TNRC18: variants seen among roughly 807,000 people sequenced by gnomAD.
TNRC18 encodes the protein trinucleotide repeat containing 18.
In TNRC18, 69 loss-of-function variants were observed where a neutral mutation model predicts 226.7. The observed-to-expected ratio is 0.30, with a 90% CI of 0.25 to 0.37. The LOEUF (loss-of-function observed/expected upper bound fraction) is 0.37, where lower values mean the gene tolerates loss of function less well. Among genes scored for constraint, TNRC18 ranks in the 10% least tolerant of loss-of-function variants. The probability of loss-of-function intolerance (pLI) is 1.00; values close to 1 mark genes in which losing one functional copy is unlikely to be tolerated. For synonymous variants in TNRC18, 2,449 were observed against 1,927.6 expected (o/e 1.27, Z -7.09); for missense variants, 4,754 against 4,256.6 (o/e 1.12, Z -3.25).
chr7:5,376,772 G>A (rs914304810), intron 8 of TNRC18, 75 bp downstream of exon 8: 19 of 1,543,496 alleles, frequency 1.2e-5, no homozygotes, highest in African/African-American at 2.7e-5. Context: ...TCAGCAGGAA[G>A]CCCTTGGCAT....
intron 2 of TNRC18, 63 bp downstream of exon 2, chr7:5,420,997 G>A: frequency 1.9e-6 from 3 of 1,539,400 alleles, no homozygotes; most frequent in Middle Eastern, 1.7e-4. Context: ...TGCACAGGAG[G>A]ACCCGGCCGA....
intron 16 of TNRC18, among the ~76,000 whole-genome samples, chr7:5,353,562 G>GAAAAAA (rs35875231): frequency 1.2e-5 from 1 of 86,546 alleles, no homozygotes; most frequent in Non-Finnish European, 2.3e-5. Flanking sequence ...ATCATCTAAA[G>GAAAAAA]AAAAAAAAAA....
intron 18 of TNRC18, among the ~76,000 whole-genome samples, chr7:5,341,912 T>C (rs1382370463): frequency 3.9e-5 from 6 of 152,168 alleles, no homozygotes; most frequent in Admixed American, 3.9e-4. Context: ...TCATTGACGA[T>C]GTACCTTGTC....
At chr7:5,345,898 G>A (rs1396844558) in intron 17 of TNRC18, 88 bp from the exon 18 acceptor site, 2 of 1,468,796 alleles carry the variant, frequency 1.4e-6, no homozygotes, top group East Asian at 2.5e-5. Context: ...GTGGCCTCTG[G>A]GCTCCAGCCT....
At chr7:5,398,638 A>G (rs1780869412) in intron 2 of TNRC18, among the ~76,000 whole-genome samples, 1 of 140,364 alleles carries the variant, frequency 7.1e-6, no homozygotes, top group South Asian at 2.3e-4. Context: ...TTTTTTAAAG[A>G]CAGGGTCTCT....
chr7:5,325,033 C>A, intron 20 of TNRC18, 63 bp downstream of exon 20: 2 of 1,531,256 alleles, frequency 1.3e-6, no homozygotes, highest in Non-Finnish European at 1.8e-6. Context: ...GAGCCCCCTG[C>A]CCTGACCACA....
At chr7:5,337,067 C>T (rs180720018) in intron 18 of TNRC18, among the ~76,000 whole-genome samples, 2 of 152,216 alleles carry the variant, frequency 1.3e-5, no homozygotes, top group Non-Finnish European at 2.9e-5. Context: ...TCAACAAATC[C>T]GCCACGAGGC....
chr7:5,387,688 C>T lies in TNRC18; in HGVS notation c.2136G>A (p.Ser712=), dbSNP rs765573494. The change falls in exon 5 of 30, where the codon TCG becomes TCA. Residue 712 remains serine, a synonymous_variant. Coordinates refer to ENST00000430969, the MANE Select transcript of TNRC18 (RefSeq NM_001080495.3). ...PGLVDQERSL[S]LSNVKGHGRA... The stretch of plus-strand genomic sequence containing the variant: ...AGGACCTACCTTTGACGTTACTCAG[C>T]GACAGAGAGCGCTCCTGGTCTACCA... 2 of 1,604,608 alleles carry T rather than the reference C, an allele frequency of 1.2e-6. No individual in the cohort carries two copies. Among genetic ancestry groups the T allele is most frequent in the South Asian group, 1.1e-5 (1 of 91,088 alleles).
At chr7:5,363,876 C>T (rs1356977582) in intron 11 of TNRC18, among the ~76,000 whole-genome samples, 3 of 151,946 alleles carry the variant, frequency 2.0e-5, no homozygotes, top group Non-Finnish European at 4.4e-5. Context: ...AAAGACAGCC[C>T]GCTTCCTTCC....
chr7:5,313,095 C>T lies in TNRC18; in HGVS notation c.7796G>A (p.Gly2599Asp). The T allele has an allele frequency of 1.5e-6, 2 of 1,348,912 alleles. No homozygotes were observed. The highest frequency in any genetic ancestry group is 2.1e-6 in the Non-Finnish European group (2 of 974,564). 83.6% of individuals were successfully genotyped at this position (1,348,912 alleles called of 1,614,324 possible). ...KNGDGGCGTG[G>D]RNCSAASSRA... Reference sequence around the variant, plus strand: ...GGAGCTGGCAGCGCTGCAGTTACGGCCCCCGGTGCCGCAGCCCCCGTCCCC... The same window carrying T: ...GGAGCTGGCAGCGCTGCAGTTACGGTCCCCGGTGCCGCAGCCCCCGTCCCC... Residue 2599 changes from glycine (G) to aspartate (D), a missense_variant, in exon 27 of 30, where the codon GGC becomes GAC. Physicochemically the swap from Gly to Asp is moderately conservative, Grantham distance 94. Coordinates refer to ENST00000430969, the MANE Select transcript of TNRC18 (RefSeq NM_001080495.3).
Position 5,388,813 on chromosome 7 carries a change from CG to C in TNRC18, c.1010del (p.Pro337ArgfsTer253). 1 of 1,147,516 alleles carries C rather than the reference CG, an allele frequency of 8.7e-7. No individual in the cohort carries two copies. The highest frequency in any genetic ancestry group is 1.1e-6 in the Non-Finnish European group (1 of 934,920). The allele number at this position is 1,147,516 out of a possible 1,614,324, so 71.1% of individuals were successfully genotyped here. A position where few individuals can be genotyped will look rare whatever the true frequency, so the allele number is the denominator to read the frequency against. ...GPRPCPSPLP[P>X]PPAPPKGPPA... is the part of the protein sequence containing the mutation. ...GAGGCCCCTTGGGGGGCGCGGGCGG[CG>C]GGGGCAGCGGTGAGGGGCAGGGGCG... is the stretch of plus-strand genomic sequence containing the variant. On this transcript the variant is annotated frameshift_variant, in exon 5 of 30. Coordinates refer to ENST00000430969, the MANE Select transcript of TNRC18 (RefSeq NM_001080495.3). LOFTEE classifies it high-confidence loss of function.
chr7:5,388,305 C>G lies in TNRC18; in HGVS notation c.1519G>C (p.Glu507Gln). 6.2e-7 allele frequency: 1 copy of G among 1,602,816 alleles called. No individual in the cohort carries two copies. The highest frequency in any genetic ancestry group is 8.5e-7 in the Non-Finnish European group (1 of 1,174,978). The change falls in exon 5 of 30, where the codon GAG becomes CAG. Residue 507 changes from glutamate to glutamine, a missense_variant. Physicochemically the swap from Glu to Gln is conservative, Grantham distance 29. Coordinates refer to ENST00000430969, the MANE Select transcript of TNRC18 (RefSeq NM_001080495.3). Reference sequence around the variant, plus strand: ...AGCTCGAAGGGTTTCCATTTATGCTCAGGGCCGGTGGGCGGGGGGCGCCCG... The same window carrying G: ...AGCTCGAAGGGTTTCCATTTATGCTGAGGGCCGGTGGGCGGGGGGCGCCCG... Reference protein sequence around the residue: ...EPGRPPPTGPEHKWKPFELGN... With the variant: ...EPGRPPPTGPQHKWKPFELGN...
Position 5,361,692 on chromosome 7 carries a change from C to G in TNRC18, c.4563G>C (p.Leu1521Phe), listed in dbSNP as rs1562548779. The stretch of plus-strand genomic sequence containing the variant: ...GCGGCCTGCCAGGGCCTCTGCGTGC[C>G]AAGCTTCTATGGGGTTCCTCGCGCC... ...EDRREEPHRS[L>F]ARRGPGRPRK... Residue 1521 changes from leucine to phenylalanine, a missense_variant, in exon 14 of 30, where the codon TTG (leucine) becomes TTC (phenylalanine). Leu to Phe is a conservative substitution (Grantham distance 22, BLOSUM62 0). Transcript: ENST00000430969. 2.6e-6 allele frequency: 4 copies of G among 1,567,086 alleles called. No homozygotes were observed. The highest frequency in any genetic ancestry group is 1.4e-5 in the African/African-American group (1 of 73,512).
Position 5,376,848 on chromosome 7 carries a change from A to C in TNRC18, c.2607T>G (p.Phe869Leu). The C allele has an allele frequency of 6.2e-7, 1 of 1,610,852 alleles. No individual in the cohort carries two copies. ...VVIPSDHLPH[F>L]AELMERATVP... The stretch of plus-strand genomic sequence containing the variant: ...TGGCCACATAGAAGGTCCACTTACC[A>C]AAGTGAGGAAGGTGATCACTGGGAA... The change falls in exon 8 of 30, where the codon TTT becomes TTG. Residue 869 changes from phenylalanine to leucine, a missense_variant and splice_region_variant. By Grantham distance (22) the Phe-to-Leu change is conservative. Transcript: ENST00000430969.
At position 5,312,977 on chromosome 7, in the gene TNRC18, G is replaced by C. The variant is rs895284231; in HGVS notation, c.7914C>G (p.Ser2638=). ...SSSSSSSSSS[S]SSSSSSSSSS... Reference sequence around the variant, plus strand: ...AAGACGAAGAGGAAGAGGAGGAGGAGGAAGAGGAGGAGGAGGAAGAGGAGG... The same window carrying C: ...AAGACGAAGAGGAAGAGGAGGAGGACGAAGAGGAGGAGGAGGAAGAGGAGG... The change falls in exon 27 of 30, where the codon TCC becomes TCG. Residue 2638 remains serine, a synonymous_variant. Coordinates refer to ENST00000430969, the MANE Select transcript of TNRC18 (RefSeq NM_001080495.3). This position sits in a 1 kb window ranked among gnomAD's most constrained non-coding sequence, Gnocchi z 6.3. 3.7e-5 allele frequency: 41 copies of C among 1,105,758 alleles called. No homozygotes were observed. In the Admixed American group the frequency reaches 4.5e-4, roughly 12 times the overall value. 68.5% of individuals were successfully genotyped at this position (1,105,758 alleles called of 1,614,324 possible).
At position 5,394,922 on chromosome 7, in the gene TNRC18, G is replaced by A. The variant is rs952854150; in HGVS notation, c.188-327C>T. Among the ~76,000 whole-genome samples the A allele has an allele frequency of 1.8e-4, 27 of 152,122 alleles. No homozygotes were observed. Among genetic ancestry groups the A allele is most frequent in the African/African-American group, 5.8e-4 (24 of 41,432 alleles). On this transcript the variant is annotated intron_variant, in intron 2 of 29. Transcript: ENST00000430969. The surrounding 1 kb of genome is among the most constrained non-coding windows in gnomAD (Gnocchi z 4.5). ...CGCCCAACCAGCCCAGATCCGGCCCGGCACCATTCTCCCCATCTGCAGGTG... is the reference window on the plus strand; with the variant it reads ...CGCCCAACCAGCCCAGATCCGGCCCAGCACCATTCTCCCCATCTGCAGGTG...
At chr7:5,349,645 C>T (rs1011217209) in intron 17 of TNRC18, among the ~76,000 whole-genome samples, 1 of 152,220 alleles carries the variant, frequency 6.6e-6, no homozygotes, top group African/African-American at 2.4e-5. Flanking sequence ...TGACCCGCTG[C>T]GCCGTCTGCC....
chr7:5,324,100 G>A lies in TNRC18; in HGVS notation c.6442+114C>T. 8.2e-7 allele frequency: 1 copy of A among 1,225,036 alleles called. No homozygotes were observed. The allele number at this position is 1,225,036 out of a possible 1,614,324, so 75.9% of individuals were successfully genotyped here. A position where few individuals can be genotyped will look rare whatever the true frequency, so the allele number is the denominator to read the frequency against. On this transcript the variant is annotated intron_variant, in intron 21 of 29. Coordinates refer to ENST00000430969, the MANE Select transcript of TNRC18 (RefSeq NM_001080495.3). The surrounding 1 kb of genome is among the most constrained non-coding windows in gnomAD (Gnocchi z 4.8). ...CAGCCTCAGGATCTCTGCTCCTGTG[G>A]TTCCCTGCCCCCAGCTAGCCCAGCC...
At chr7:5,376,319 C>G (rs1201522736) in intron 8 of TNRC18, 95 bp from the exon 9 acceptor site, 2 of 1,129,222 alleles carry the variant, frequency 1.8e-6, no homozygotes, top group Non-Finnish European at 1.2e-6. Flanking sequence ...GGGGCCACAC[C>G]CACACAGTGG....
Sources: allele counts gnomAD v4.1 joint callset (sites outside exome capture counted in the v4.1 genomes callset), GRCh38; gene constraint gnomAD v4.1.1; non-coding constraint Gnocchi (gnomAD v3.1); transcripts MANE v1.5; gene names NCBI Gene and HGNC (gene_info 2026-07-23, HGNC 2026-07-21).